Variants in NTM observed in about 807,000 individuals in gnomAD.
The protein encoded by NTM is neurotrimin.
Under a neutral mutation model 42.1 loss-of-function variants are expected in NTM, and 13 were observed. The observed-to-expected ratio is 0.31, with a 90% CI of 0.20 to 0.49. The LOEUF (loss-of-function observed/expected upper bound fraction) is 0.49. NTM is among the 20% of genes least tolerant of loss of function. NTM has a pLI of 0.99. For synonymous variants in NTM, 187 were observed against 179.2 expected (o/e 1.04, Z -0.35); for missense variants, 373 against 452.8 (o/e 0.82, Z 1.60).
intron 1 of NTM, among the ~76,000 whole-genome samples, chr11:131,879,130 T>A (rs2049059251): frequency 6.6e-6 from 1 of 152,148 alleles, no homozygotes; most frequent in African/African-American, 2.4e-5. Context: ...TCCAGAGCAG[T>A]TCCTTGGTCT....
intron 1 of NTM, among the ~76,000 whole-genome samples, chr11:131,465,339 C>T (rs917804118): frequency 1.1e-4 from 17 of 152,212 alleles, no homozygotes; most frequent in African/African-American, 3.9e-4. Context: ...TGCTTCTCTG[C>T]AGCCCAGACT....
intron 5 of NTM, 52 bp downstream of exon 5, chr11:132,307,875 G>T (rs754411248): frequency 6.3e-7 from 1 of 1,579,552 alleles, no homozygotes; most frequent in Non-Finnish European, 8.7e-7. Flanking sequence ...CTGGCCTGTT[G>T]TCACAGCCAC....
chr11:132,217,059 T>C (rs1348756846), intron 4 of NTM, among the ~76,000 whole-genome samples: 1 of 152,194 alleles, frequency 6.6e-6, no homozygotes, highest in South Asian at 2.1e-4. Flanking sequence ...TTCCTTCTGC[T>C]GTCATGGCTG....
At chr11:131,642,810 T>C (rs936444422) in intron 1 of NTM, among the ~76,000 whole-genome samples, 3 of 152,286 alleles carry the variant, frequency 2.0e-5, no homozygotes, top group Non-Finnish European at 4.4e-5. Context: ...CATTGCTTTT[T>C]CTCATCTATC....
chr11:131,584,512 T>G (rs1018808354), intron 1 of NTM, among the ~76,000 whole-genome samples: 1 of 152,146 alleles, frequency 6.6e-6, no homozygotes, highest in Non-Finnish European at 1.5e-5. Flanking sequence ...CGGGACTATA[T>G]GTGAGAATAA....
rs565176584 is a variant in NTM, at chr11:132,096,886, A to G, written c.168-49396A>G. 3.2e-3 allele frequency among the ~76,000 whole-genome samples: 486 copies of G among 152,308 alleles called. 1 individual carries two copies. Among genetic ancestry groups the G allele is most frequent in the Non-Finnish European group, 5.7e-3 (386 of 68,020 alleles). On this transcript the variant is annotated intron_variant, in intron 2 of 8. Transcript: ENST00000683400. ...GAGGAGAAGGCATCAGAAGGAGGCT[A>G]TGCTGGCCCTGGGAGTGTACAGTCT...
chr11:131,655,932 A>G (rs1466331274), intron 1 of NTM, among the ~76,000 whole-genome samples: 2 of 152,152 alleles, frequency 1.3e-5, no homozygotes, highest in Non-Finnish European at 2.9e-5. Flanking sequence ...CTATCCCACC[A>G]TTGAACCTGT....
intron 4 of NTM, among the ~76,000 whole-genome samples, chr11:132,215,174 C>T (rs1408339773): frequency 2.6e-5 from 4 of 152,204 alleles, no homozygotes; most frequent in African/African-American, 9.7e-5. Context: ...AGAAAGAGCG[C>T]TGTTGTCATC....
chr11:132,292,749 G>A (rs532858708), intron 4 of NTM, among the ~76,000 whole-genome samples: 28 of 120,214 alleles, frequency 2.3e-4, no homozygotes, highest in East Asian at 1.8e-3. Flanking sequence ...ACAATGATGC[G>A]TTATAAAATA....
At chr11:131,424,595 C>CTTTTTTTTTTTTTT (rs1446801058) in intron 1 of NTM, among the ~76,000 whole-genome samples, 13 of 39,618 alleles carry the variant, frequency 3.3e-4, no homozygotes, top group African/African-American at 1.2e-3. Context: ...TATTTCTTTT[C>CTTTTTTTTTTTTTT]TTTTCTTTTT....
chr11:131,767,863 G>A (rs1195804234), intron 1 of NTM, among the ~76,000 whole-genome samples: 1 of 152,112 alleles, frequency 6.6e-6, no homozygotes, highest in African/African-American at 2.4e-5. Context: ...CGAGGAGACA[G>A]GAGAGCAAGT....
intron 3 of NTM, among the ~76,000 whole-genome samples, chr11:132,154,675 C>T (rs1273477269): frequency 6.6e-6 from 1 of 152,230 alleles, no homozygotes; most frequent in African/African-American, 2.4e-5. Context: ...CAGCAGCCTC[C>T]TACCTGAGAG....
At chr11:131,881,247 A>C (rs1204530863) in intron 1 of NTM, among the ~76,000 whole-genome samples, 1 of 152,166 alleles carries the variant, frequency 6.6e-6, no homozygotes, top group East Asian at 1.9e-4. Flanking sequence ...TTAATATGAG[A>C]AATTAAGACA....
At chr11:131,680,948 AGC>A (rs1183700734) in intron 1 of NTM, among the ~76,000 whole-genome samples, 1 of 18,182 alleles carries the variant, frequency 5.5e-5, no homozygotes. Context: ...TGTGTGTGTG[AGC>A]GTGTGTGTTT....
chr11:132,032,244 T>C (rs2076023814), intron 2 of NTM, among the ~76,000 whole-genome samples: 1 of 152,166 alleles, frequency 6.6e-6, no homozygotes, highest in South Asian at 2.1e-4. Context: ...CTTGTTTTCT[T>C]CCTGCTGTTC....
chr11:131,989,661 T>C (rs922633065), intron 2 of NTM, among the ~76,000 whole-genome samples: 2 of 152,018 alleles, frequency 1.3e-5, no homozygotes, highest in African/African-American at 4.8e-5. Context: ...ATGCTCCCAA[T>C]ATTTCAGTAG....
chr11:131,716,589 G>A (rs998360277), intron 1 of NTM, among the ~76,000 whole-genome samples: 1 of 152,060 alleles, frequency 6.6e-6, no homozygotes, highest in African/African-American at 2.4e-5. Context: ...GTTTTAATTT[G>A]CATTTCCCTG....
At chr11:131,789,539 GA>G (rs1565551757) in intron 1 of NTM, among the ~76,000 whole-genome samples, 1 of 22,408 alleles carries the variant, frequency 4.5e-5, no homozygotes, top group Non-Finnish European at 7.6e-5. Flanking sequence ...AGAAGAAGAA[GA>G]AGAAGAAAAG....
chr11:132,012,867 G>A (rs1410086266), intron 2 of NTM, among the ~76,000 whole-genome samples: 1 of 152,160 alleles, frequency 6.6e-6, no homozygotes, highest in East Asian at 1.9e-4. Context: ...ATCAGGAAGA[G>A]GAAGCACTGC....
Sources: allele counts gnomAD v4.1 joint callset (sites outside exome capture counted in the v4.1 genomes callset), GRCh38; gene constraint gnomAD v4.1.1; transcripts MANE v1.5; gene names NCBI Gene and HGNC (gene_info 2026-07-23, HGNC 2026-07-21).